Variants in GTF2E2 observed in about 807,000 individuals in gnomAD.
GTF2E2 encodes general transcription factor IIE subunit 2.
Under a neutral mutation model 40.5 loss-of-function variants are expected in GTF2E2, and 21 were observed. The ratio of observed to expected loss-of-function variants is 0.52; its 90% CI spans 0.37 to 0.75. GTF2E2 has a LOEUF of 0.75. Among genes scored for constraint, GTF2E2 ranks in the 30% least tolerant of loss-of-function variants. The pLI is 0.00. For synonymous variants in GTF2E2, 117 were observed against 121.6 expected, an observed-to-expected ratio of 0.96 and a Z score of 0.25; for missense variants, 298 against 338.4, an observed-to-expected ratio of 0.88 and a Z score of 0.94.
Position 30,612,399 on chromosome 8 carries a change from G to C in GTF2E2, c.449C>G (p.Ala150Gly), listed in dbSNP as rs1279803659. 1 of 1,609,588 alleles carries C rather than the reference G, an allele frequency of 6.2e-7. No homozygotes were observed. The change falls in exon 5 of 8, where the codon GCC becomes GGC. Residue 150 changes from alanine to glycine, a missense_variant. Physicochemically the swap from Ala to Gly is moderately conservative, Grantham distance 60. Coordinates refer to ENST00000355904, the MANE Select transcript of GTF2E2 (RefSeq NM_002095.6). ...KPKYNVRDKK[A>G]LLRLLDQHDQ... ...ATGCTGATCTAAGAGCCTAAGTAGGGCCTTCTTATCTCTCACGTTGTACTT... is the reference window on the plus strand; with the variant it reads ...ATGCTGATCTAAGAGCCTAAGTAGGCCCTTCTTATCTCTCACGTTGTACTT...
intron 6 of GTF2E2, among the ~76,000 whole-genome samples, chr8:30,590,447 G>C (rs1359493192): frequency 1.3e-5 from 2 of 152,126 alleles, no homozygotes; most frequent in African/African-American, 4.8e-5. Flanking sequence ...TGGGATGGCT[G>C]GGTTATACAG....
chr8:30,613,835 G>C (rs1371865070), intron 4 of GTF2E2, among the ~76,000 whole-genome samples: 1 of 152,180 alleles, frequency 6.6e-6, no homozygotes, highest in Non-Finnish European at 1.5e-5. Context: ...GTAAACATTT[G>C]AATTTTTAAA....
chr8:30,615,112 C>G (rs1800877539), intron 3 of GTF2E2, among the ~76,000 whole-genome samples: 1 of 151,938 alleles, frequency 6.6e-6, no homozygotes. Flanking sequence ...AACCCCATGT[C>G]TACTAAAAAT....
At chr8:30,645,449 T>C in intron 2 of GTF2E2, 3 of 1,535,708 alleles carry the variant, frequency 2.0e-6, no homozygotes, top group Middle Eastern at 1.7e-4. Flanking sequence ...TTTACAGTGG[T>C]ATCTTTAGTG....
At position 30,614,656 on chromosome 8, in the gene GTF2E2, TGTTTCATCCAAA is replaced by T; in HGVS notation, c.306_317del (p.Leu103_Thr106del). On this transcript the variant is annotated inframe_deletion, in exon 4 of 8. Coordinates refer to ENST00000355904, the MANE Select transcript of GTF2E2 (RefSeq NM_002095.6). Reference sequence around the variant, plus strand: ...GCTTGAGTCCAATATCTAAATGTTGTGTTTCATCCAAAATTTCATCTAAGGTTAGAGGATGCG... The same window carrying T: ...GCTTGAGTCCAATATCTAAATGTTGTATTTCATCTAAGGTTAGAGGATGCG... The T allele has an allele frequency of 6.2e-7, 1 of 1,610,112 alleles. No homozygotes were observed. Among genetic ancestry groups the T allele is most frequent in the Non-Finnish European group, 8.5e-7 (1 of 1,176,502 alleles).
intron 2 of GTF2E2, chr8:30,645,297 G>A (rs1002309300): frequency 1.3e-6 from 2 of 1,528,840 alleles, no homozygotes; most frequent in Non-Finnish European, 1.7e-6. Context: ...AAGAGCAAGT[G>A]GAATCTCTAA....
In GTF2E2 at chr8:30,579,056, A is replaced by C. The variant is rs1828435492; in HGVS notation, c.760-19T>G. 2 of 1,220,308 alleles carry C rather than the reference A, an allele frequency of 1.6e-6. No individual in the cohort carries two copies. Among genetic ancestry groups the C allele is most frequent in the African/African-American group, 1.5e-5 (1 of 67,356 alleles). The allele number at this position is 1,220,308 out of a possible 1,614,324, so 75.6% of individuals were successfully genotyped here. A position where few individuals can be genotyped will look rare whatever the true frequency, so the allele number is the denominator to read the frequency against. On this transcript the variant is annotated intron_variant, in intron 7 of 7. Coordinates refer to ENST00000355904, the MANE Select transcript of GTF2E2 (RefSeq NM_002095.6). ...TAGGGGCCTAAAGGAAAAGGTAAAA[A>C]CAATTAGAAACAACAGCTGCTCTGA...
At chr8:30,638,447 C>T (rs1801685969) in intron 2 of GTF2E2, among the ~76,000 whole-genome samples, 3 of 152,026 alleles carry the variant, frequency 2.0e-5, no homozygotes, top group African/African-American at 7.2e-5. Flanking sequence ...AGTTGATACC[C>T]CAGACAGCTC....
intron 2 of GTF2E2, among the ~76,000 whole-genome samples, chr8:30,640,622 A>ATGT (rs1157365858): frequency 6.6e-6 from 1 of 152,232 alleles, no homozygotes; most frequent in Non-Finnish European, 1.5e-5. Flanking sequence ...TTCATAAAGA[A>ATGT]TGTTTACAGC....
chr8:30,633,996 T>A (rs567598553), intron 3 of GTF2E2, among the ~76,000 whole-genome samples: 1 of 152,264 alleles, frequency 6.6e-6, no homozygotes, highest in East Asian at 1.9e-4. Context: ...AACCAATAGA[T>A]GGATGAAATT....
intron 2 of GTF2E2, among the ~76,000 whole-genome samples, chr8:30,652,081 T>C (rs755068505): frequency 2.0e-5 from 3 of 152,040 alleles, no homozygotes; most frequent in Non-Finnish European, 4.4e-5. Context: ...TCAAATATAC[T>C]ACAAACCTAA....
intron 1 of GTF2E2, chr8:30,656,809 G>GAAAAAAAAAAAAAAAAA (rs370990168): frequency 9.1e-6 from 1 of 110,210 alleles, no homozygotes; most frequent in Non-Finnish European, 1.7e-5. Context: ...CTCCGTCTCA[G>GAAAAAAAAAAAAAAAAA]AAAAAAAAAA....
intron 6 of GTF2E2, among the ~76,000 whole-genome samples, chr8:30,580,741 T>G (rs1828494470): frequency 6.6e-6 from 1 of 152,202 alleles, no homozygotes; most frequent in Non-Finnish European, 1.5e-5. Context: ...CCCCTAAGCA[T>G]GATATACTCA....
At chr8:30,579,502 G>T (rs1336731057) in intron 7 of GTF2E2, among the ~76,000 whole-genome samples, 1 of 152,146 alleles carries the variant, frequency 6.6e-6, no homozygotes, top group Non-Finnish European at 1.5e-5. Flanking sequence ...ATTAACAAAT[G>T]AGACAATAAT....
intron 6 of GTF2E2, among the ~76,000 whole-genome samples, chr8:30,604,774 G>C (rs770493800): frequency 1.3e-5 from 2 of 151,994 alleles, no homozygotes; most frequent in Non-Finnish European, 2.9e-5. Flanking sequence ...ATGTTTTCTA[G>C]GGGGGAAAGT....
intron 3 of GTF2E2, among the ~76,000 whole-genome samples, chr8:30,630,793 T>C (rs572142584): frequency 6.6e-6 from 1 of 152,280 alleles, no homozygotes; most frequent in South Asian, 2.1e-4. Context: ...TCTTGTCTTT[T>C]CCAGTCACAT....
At chr8:30,637,930 T>C (rs569663634) in intron 2 of GTF2E2, among the ~76,000 whole-genome samples, 3 of 152,344 alleles carry the variant, frequency 2.0e-5, no homozygotes, top group Non-Finnish European at 2.9e-5. Context: ...GCTTAGACCA[T>C]AACTCTAAAT....
Position 30,578,886 on chromosome 8 carries a change from G to A in GTF2E2, c.*35C>T, listed in dbSNP as rs1448024015. The A allele has an allele frequency of 3.0e-6, 3 of 993,980 alleles. No homozygotes were observed. Among genetic ancestry groups the A allele is most frequent in the Admixed American group, 3.4e-5 (2 of 59,168 alleles). The allele number at this position is 993,980 out of a possible 1,614,324, so 61.6% of individuals were successfully genotyped here. A position where few individuals can be genotyped will look rare whatever the true frequency, so the allele number is the denominator to read the frequency against. ...CATCAGCAAGAACACTCTTGATTGT[G>A]TATCTGTAACTCTGTTCCAGGGCAA... On this transcript the variant is annotated 3_prime_UTR_variant, in exon 8 of 8. Transcript: ENST00000355904.
intron 7 of GTF2E2, 45 bp from the exon 8 acceptor site, chr8:30,579,082 G>T: frequency 1.0e-6 from 1 of 986,258 alleles, no homozygotes; most frequent in South Asian, 1.3e-5. Flanking sequence ...GCTGCTCTGA[G>T]GGGTGGTGTG....
Sources: allele counts gnomAD v4.1 joint callset (sites outside exome capture counted in the v4.1 genomes callset), GRCh38; gene constraint gnomAD v4.1.1; transcripts MANE v1.5; gene names NCBI Gene and HGNC (gene_info 2026-07-23, HGNC 2026-07-21).